The following NOX4 variants were observed in gnomAD, a reference collection of about 807,000 sequenced individuals.
NOX4 encodes kidney oxidase-1.
NOX4 carries 69 observed loss-of-function variants against 87.6 expected under a neutral mutation model. The observed-to-expected ratio is 0.79, with a 90% CI of 0.65 to 0.96. The LOEUF is 0.96. Ranked by LOEUF, NOX4 falls within the 40% of genes least tolerant of loss-of-function variation. The pLI is 0.00. For missense variants in NOX4, 680 were observed against 681.5 expected (o/e 1.00, Z 0.02); for synonymous variants, 275 against 238.2 (o/e 1.15, Z -1.42).
chr11:89,553,874 A>T, the NOX4 span, among the ~76,000 whole-genome samples: 11 of 68,944 alleles, frequency 1.6e-4, no homozygotes, highest in South Asian at 3.0e-3. Context: ...AGAAACAAAC[A>T]TCTTTTTTTT....
At chr11:89,449,795 T>C (rs1473475488) in intron 3 of NOX4, among the ~76,000 whole-genome samples, 2 of 152,032 alleles carry the variant, frequency 1.3e-5, no homozygotes, top group Non-Finnish European at 2.9e-5. Context: ...CACTGTGATC[T>C]TATATTGATC....
the NOX4 span, among the ~76,000 whole-genome samples, chr11:89,586,954 G>A: frequency 5.9e-5 from 9 of 152,178 alleles, no homozygotes; most frequent in South Asian, 1.9e-3. Flanking sequence ...GCTATTGCAC[G>A]GATTCTATGG....
intron 2 of NOX4, among the ~76,000 whole-genome samples, chr11:89,475,727 A>T (rs1946138371): frequency 6.6e-6 from 1 of 152,088 alleles, no homozygotes; most frequent in African/African-American, 2.4e-5. Context: ...AATAATTGAT[A>T]TTATACTATA....
At chr11:89,553,255 A>G in the NOX4 span, among the ~76,000 whole-genome samples, 1 of 152,204 alleles carries the variant, frequency 6.6e-6, no homozygotes, top group Admixed American at 6.5e-5. Context: ...TCCTGGTGGG[A>G]GGTGATTGGA....
rs151276746 is a variant in NOX4 at position 89,489,769 on chromosome 11, G to A, written c.153+689C>T. Among the ~76,000 whole-genome samples the A allele has an allele frequency of 4.4e-3, 653 of 149,714 alleles. 6 individuals are homozygous for A. The highest frequency in any genetic ancestry group is 0.015 in the African/African-American group (619 of 41,072). On this transcript the variant is annotated intron_variant, in intron 2 of 17. Coordinates refer to ENST00000263317, the MANE Select transcript of NOX4 (RefSeq NM_016931.5). ...AGAAAGAAAGAAAGAAAAAGAAAAC[G>A]CAATCTCCTTGTGCAAAGTAATATG...
rs543890432 is a variant in NOX4 at position 89,373,941 on chromosome 11, T to C, written c.1075-449A>G. On this transcript the variant is annotated intron_variant, in intron 11 of 17. Transcript: ENST00000263317. ...TTCTTAATGTGACATTAATTTTCCA[T>C]GCCCAACAATTATGCTCCTACAGAA... Among the ~76,000 whole-genome samples, 312 of 152,166 alleles carry C rather than the reference T, an allele frequency of 2.1e-3. 1 individual carries two copies. Among genetic ancestry groups the C allele is most frequent in the African/African-American group, 7.2e-3 (300 of 41,560 alleles).
chr11:89,572,489 C>T, the NOX4 span, among the ~76,000 whole-genome samples: 4 of 152,102 alleles, frequency 2.6e-5, no homozygotes, highest in Non-Finnish European at 5.9e-5. Context: ...CTTCTTGAGA[C>T]AATAAAAATG....
At chr11:89,403,860 T>G (rs1942018415) in intron 8 of NOX4, among the ~76,000 whole-genome samples, 1 of 152,186 alleles carries the variant, frequency 6.6e-6, no homozygotes. Context: ...ACCAGGCCAG[T>G]CTCTGGTTGT....
chr11:89,473,012 T>G (rs1415456653), intron 2 of NOX4, among the ~76,000 whole-genome samples: 2 of 152,178 alleles, frequency 1.3e-5, no homozygotes, highest in Non-Finnish European at 2.9e-5. Flanking sequence ...AGGTTTGACC[T>G]CTTTGGCTGA....
intron 6 of NOX4, among the ~76,000 whole-genome samples, chr11:89,433,458 T>C (rs1305736686): frequency 6.6e-6 from 1 of 152,096 alleles, no homozygotes; most frequent in Non-Finnish European, 1.5e-5. Context: ...GCACTCTTTC[T>C]GTTTTGGTTT....
chr11:89,331,038 A>G lies in NOX4; in HGVS notation c.1617-4162T>C, dbSNP rs1945447035. ...TCTATCTAACAATAATGGAATACAA[A>G]TTCTTTTTAAGTGCATATGGAACAT... is the stretch of plus-strand genomic sequence containing the variant. On this transcript the variant is annotated intron_variant, in intron 17 of 17. Transcript: ENST00000263317. 2.6e-5 allele frequency among the ~76,000 whole-genome samples: 4 copies of G among 152,134 alleles called. No individual in the cohort carries two copies. The South Asian group carries it at 8.3e-4, about 31-fold the overall frequency.
intron 2 of NOX4, among the ~76,000 whole-genome samples, chr11:89,481,889 G>A (rs983830260): frequency 6.6e-6 from 1 of 152,074 alleles, no homozygotes; most frequent in African/African-American, 2.4e-5. Context: ...TAGGACTAGG[G>A]CTACGACGAC....
chr11:89,547,926 C>G, the NOX4 span, among the ~76,000 whole-genome samples: 5 of 152,052 alleles, frequency 3.3e-5, no homozygotes, highest in African/African-American at 9.7e-5. Flanking sequence ...TCACCACATT[C>G]TATCCCCACA....
At chr11:89,584,449 T>C in the NOX4 span, among the ~76,000 whole-genome samples, 1 of 152,206 alleles carries the variant, frequency 6.6e-6, no homozygotes, top group Non-Finnish European at 1.5e-5. Context: ...TACTCTGTCA[T>C]GTCAACAACT....
At chr11:89,550,566 A>G in the NOX4 span, among the ~76,000 whole-genome samples, 3 of 151,914 alleles carry the variant, frequency 2.0e-5, no homozygotes, top group Non-Finnish European at 2.9e-5. Flanking sequence ...GCTTTTTTTC[A>G]TATGTTTCTT....
intron 12 of NOX4, among the ~76,000 whole-genome samples, chr11:89,368,184 C>T (rs954595400): frequency 1.3e-5 from 2 of 151,802 alleles, no homozygotes; most frequent in African/African-American, 2.4e-5. Flanking sequence ...ATATCTTCTT[C>T]GTCCTTATTT....
intron 11 of NOX4, among the ~76,000 whole-genome samples, chr11:89,392,338 C>T (rs916676345): frequency 3.2e-4 from 49 of 152,016 alleles, no homozygotes; most frequent in African/African-American, 1.1e-3. Context: ...AGTGAAGGCC[C>T]GGGGTGAGAT....
At position 89,373,486 on chromosome 11, in the gene NOX4, T is replaced by G; in HGVS notation, c.1081A>C (p.Thr361Pro). ...NHPFTLTMCP[T>P]ETKATFGVHL... The stretch of plus-strand genomic sequence containing the variant: ...ACCCCAAATGTTGCTTTGGTTTCAG[T>G]TGGACACTAAAAAAAAATACTAGAA... The change falls in exon 12 of 18, where the codon ACT becomes CCT. Residue 361 changes from threonine to proline, a missense_variant. Transcript: ENST00000263317. 1 of 1,584,200 alleles carries G rather than the reference T, an allele frequency of 6.3e-7. No homozygotes were observed.
intron 12 of NOX4, among the ~76,000 whole-genome samples, chr11:89,369,617 A>G (rs1157395991): frequency 1.3e-5 from 2 of 152,098 alleles, no homozygotes; most frequent in South Asian, 2.1e-4. Context: ...GAGTACTTCC[A>G]GGCACTCCTT....
Sources: gnomAD v4.1 joint callset for allele counts (sites outside exome capture counted in the v4.1 genomes callset) on GRCh38, gnomAD v4.1.1 for gene constraint, MANE v1.5 for transcripts, NCBI Gene and HGNC (gene_info 2026-07-23, HGNC 2026-07-21) for gene names.